ZNF829: variants seen among roughly 807,000 people sequenced by gnomAD.
The protein encoded by ZNF829 is zinc finger protein 829.
ZNF829 carries 25 observed loss-of-function variants against 35.2 expected under a neutral mutation model. The ratio of observed to expected loss-of-function variants is 0.71; its 90% CI spans 0.52 to 0.99. The LOEUF (loss-of-function observed/expected upper bound fraction) is 0.99, where lower values mean the gene tolerates loss of function less well. ZNF829 is among the 50% of genes least tolerant of loss of function. ZNF829 has a pLI of 0.00. For missense variants in ZNF829, 417 were observed against 515.3 expected, an observed-to-expected ratio of 0.81 and a Z score of 1.85; for synonymous variants, 136 against 163.2, an observed-to-expected ratio of 0.83 and a Z score of 1.27.
At chr19:36,903,299 G>A (rs569598927) in intron 5 of ZNF829, among the ~76,000 whole-genome samples, 1 of 152,214 alleles carries the variant, frequency 6.6e-6, no homozygotes, top group African/African-American at 2.4e-5. Flanking sequence ...ATACCTTTGG[G>A]TAATATAAAT....
At chr19:36,902,623 C>T (rs2073178217) in intron 5 of ZNF829, among the ~76,000 whole-genome samples, 1 of 146,032 alleles carries the variant, frequency 6.8e-6, no homozygotes, top group Non-Finnish European at 1.5e-5. Flanking sequence ...CCAGCCTGGG[C>T]AACAGAGCCA....
intron 5 of ZNF829, among the ~76,000 whole-genome samples, chr19:36,900,495 C>T (rs951403672): frequency 6.6e-6 from 1 of 151,790 alleles, no homozygotes; most frequent in African/African-American, 2.4e-5. Context: ...TCATGTAACC[C>T]ATAAATATAC....
At chr19:36,909,788 C>T (rs1303669106) in intron 3 of ZNF829, among the ~76,000 whole-genome samples, 2 of 138,788 alleles carry the variant, frequency 1.4e-5, no homozygotes, top group African/African-American at 2.8e-5. Context: ...GCCTGGGCAA[C>T]AGAGTGAGAC....
intron 5 of ZNF829, among the ~76,000 whole-genome samples, chr19:36,899,272 C>T (rs572827336): frequency 2.6e-5 from 4 of 152,006 alleles, no homozygotes; most frequent in Non-Finnish European, 4.4e-5. Flanking sequence ...AGACCCCCCC[C>T]GATCTCTATA....
At chr19:36,893,242 C>T (rs2073079173) in intron 5 of ZNF829, among the ~76,000 whole-genome samples, 1 of 152,284 alleles carries the variant, frequency 6.6e-6, no homozygotes, top group African/African-American at 2.4e-5. Context: ...ACAGGTACAT[C>T]TCTTCTGTGC....
intron 5 of ZNF829, among the ~76,000 whole-genome samples, chr19:36,899,268 C>CCCG (rs1237161245): frequency 6.6e-6 from 1 of 151,830 alleles, no homozygotes; most frequent in African/African-American, 2.4e-5. Context: ...AGGGAGACCC[C>CCCG]CCCCGATCTC....
At position 36,891,380 on chromosome 19, in the gene ZNF829, A is replaced by G; in HGVS notation, c.*112T>C. On this transcript the variant is annotated 3_prime_UTR_variant, in exon 6 of 6. Transcript: ENST00000391711. The stretch of plus-strand genomic sequence containing the variant: ...TTGGTACTTTGTTATCGTATCGTTT[A>G]AAAACGAATACATAGGAGAACCTTT... 8.7e-7 allele frequency: 1 copy of G among 1,145,266 alleles called. No individual in the cohort carries two copies. The highest frequency in any genetic ancestry group is 1.2e-6 in the Non-Finnish European group (1 of 845,472). 70.9% of individuals were successfully genotyped at this position (1,145,266 alleles called of 1,614,324 possible). A position where few individuals can be genotyped will look rare whatever the true frequency, so the allele number is the denominator to read the frequency against.
chr19:36,893,996 C>G (rs1010119041), intron 5 of ZNF829, among the ~76,000 whole-genome samples: 2 of 152,194 alleles, frequency 1.3e-5, no homozygotes, highest in Non-Finnish European at 2.9e-5. Flanking sequence ...TCCACTTGCT[C>G]AAGAAGCCCC....
chr19:36,915,096 C>T, intron 2 of ZNF829, 34 bp downstream of exon 2: 1 of 1,614,010 alleles, frequency 6.2e-7, no homozygotes, highest in Non-Finnish European at 8.5e-7. Context: ...CCAGATTAGT[C>T]AAGTAAGAGT....
intron 3 of ZNF829, among the ~76,000 whole-genome samples, chr19:36,911,973 A>G (rs956436720): frequency 2.6e-5 from 4 of 152,184 alleles, no homozygotes; most frequent in African/African-American, 9.7e-5. Context: ...AGTGTCTCCT[A>G]ACAAAGGAGT....
At position 36,915,247 on chromosome 19, in the gene ZNF829, G is replaced by A. The variant is rs768648309; in HGVS notation, c.-80C>T. ...TGGAATCTGACCAGACCTCAGAGAGGTTTCCTAGAGACAGAGTTCTGGAGT... is the reference window on the plus strand; with the variant it reads ...TGGAATCTGACCAGACCTCAGAGAGATTTCCTAGAGACAGAGTTCTGGAGT... On this transcript the variant is annotated 5_prime_UTR_variant, in exon 2 of 6. Coordinates refer to ENST00000391711, the MANE Select transcript of ZNF829 (RefSeq NM_001037232.4). The A allele has an allele frequency of 1.9e-6, 3 of 1,611,298 alleles. No homozygotes were observed. The highest frequency in any genetic ancestry group is 2.5e-6 in the Non-Finnish European group (3 of 1,178,804).
Position 36,915,022 on chromosome 19 carries a change from C to A in ZNF829, c.39G>T (p.Trp13Cys). 6.2e-7 allele frequency: 1 copy of A among 1,614,132 alleles called. No homozygotes were observed. The highest frequency in any genetic ancestry group is 8.5e-7 in the Non-Finnish European group (1 of 1,180,024). ...HSPLISIPHV[W>C]CHPEEEERMH... ...TTCTTTCCTCCTCTTCTGGGTGACA[C>A]CTGGAGAAAGGTAAAATTGGGAGAG... The change falls in exon 3 of 6, where the codon TGG becomes TGT. Residue 13 changes from tryptophan (W) to cysteine (C), a missense_variant and splice_region_variant. Coordinates refer to ENST00000391711, the MANE Select transcript of ZNF829 (RefSeq NM_001037232.4).
intron 1 of ZNF829, 59 bp from the exon 2 acceptor site, chr19:36,915,310 CAG>C (rs2073306615): frequency 6.5e-7 from 1 of 1,527,350 alleles, no homozygotes; most frequent in South Asian, 1.3e-5. Context: ...TACTCATACA[CAG>C]AATGCCACAT....
At chr19:36,902,968 G>A (rs1055505657) in intron 5 of ZNF829, among the ~76,000 whole-genome samples, 4 of 152,020 alleles carry the variant, frequency 2.6e-5, no homozygotes, top group African/African-American at 9.7e-5. Context: ...CCCGGGAGGC[G>A]GAGGTTGTAG....
chr19:36,892,350 T>C lies in ZNF829; in HGVS notation c.441A>G (p.Gln147=), dbSNP rs1220615150. The C allele has an allele frequency of 1.9e-6, 3 of 1,613,682 alleles. No individual in the cohort carries two copies. Among genetic ancestry groups the C allele is most frequent in the Middle Eastern group, 1.6e-4 (1 of 6,084 alleles). Residue 147 remains glutamine (Q), a synonymous_variant, in exon 6 of 6, where the codon CAA becomes CAG. Coordinates refer to ENST00000391711, the MANE Select transcript of ZNF829 (RefSeq NM_001037232.4). ...ATGGTTTCTCTTCACTCATAGTTTT[T>C]TGAGGTGGAATAAGAAATGTGGGCT... ...FIQPTFLIPP[Q]KTMSEEKPWE... is the part of the protein sequence containing the mutation.
intron 5 of ZNF829, among the ~76,000 whole-genome samples, chr19:36,899,217 A>T (rs2073139817): frequency 6.6e-6 from 1 of 152,152 alleles, no homozygotes; most frequent in African/African-American, 2.4e-5. Context: ...AGTCAGGAGG[A>T]TCACTTGAGG....
chr19:36,899,523 T>C (rs370616488), intron 5 of ZNF829, among the ~76,000 whole-genome samples: 9 of 151,848 alleles, frequency 5.9e-5, no homozygotes, highest in African/African-American at 1.4e-4. Context: ...TATAAAACAA[T>C]TGATAAATAT....
Position 36,915,016 on chromosome 19 carries a change from G to A in ZNF829, c.45C>T (p.His15=), listed in dbSNP as rs751167152. Reference sequence around the variant, plus strand: ...CATGCATTCTTTCCTCCTCTTCTGGGTGACACCTGGAGAAAGGTAAAATTG... The same window carrying A: ...CATGCATTCTTTCCTCCTCTTCTGGATGACACCTGGAGAAAGGTAAAATTG... The part of the protein sequence containing the change: ...PLISIPHVWC[H]PEEEERMHDE... The change falls in exon 3 of 6, where the codon CAC becomes CAT. Residue 15 remains histidine (H), a synonymous_variant. Coordinates refer to ENST00000391711, the MANE Select transcript of ZNF829 (RefSeq NM_001037232.4). 60 of 1,613,988 alleles carry A rather than the reference G, an allele frequency of 3.7e-5. No individual in the cohort carries two copies. In the East Asian group the frequency reaches 1.2e-3, roughly 32 times the overall value.
chr19:36,897,501 C>A (rs1048731476), intron 5 of ZNF829, among the ~76,000 whole-genome samples: 2 of 152,112 alleles, frequency 1.3e-5, no homozygotes, highest in Non-Finnish European at 2.9e-5. Flanking sequence ...TAAACTTCAA[C>A]GTCTCTTCAT....
Sources: allele counts gnomAD v4.1 joint callset (sites outside exome capture counted in the v4.1 genomes callset), GRCh38; gene constraint gnomAD v4.1.1; transcripts MANE v1.5; gene names NCBI Gene and HGNC (gene_info 2026-07-23, HGNC 2026-07-21).